The following EDAR variants were observed in gnomAD, a reference collection of about 807,000 sequenced individuals.
The protein encoded by EDAR is ectodysplasin A receptor, also known as tumor necrosis factor receptor superfamily member EDAR.
EDAR carries 38 observed loss-of-function variants against 51.3 expected under a neutral mutation model. That is an observed-to-expected ratio of 0.74 (90% CI 0.57 to 0.97). The LOEUF is 0.97. EDAR is among the 50% of genes least tolerant of loss of function. EDAR has a pLI of 0.00. For synonymous variants in EDAR, 227 were observed against 242.1 expected (o/e 0.94, Z 0.58); for missense variants, 528 against 595.0 (o/e 0.89, Z 1.17).
intron 1 of EDAR, among the ~76,000 whole-genome samples, chr2:108,963,051 G>A (rs1208696810): frequency 5.3e-5 from 8 of 152,106 alleles, no homozygotes; most frequent in African/African-American, 9.7e-5. Flanking sequence ...GTGGCTCTGC[G>A]TCACTGAAGG....
At chr2:108,911,306 C>A (rs941254695) in intron 6 of EDAR, among the ~76,000 whole-genome samples, 1 of 152,210 alleles carries the variant, frequency 6.6e-6, no homozygotes, top group Non-Finnish European at 1.5e-5. Context: ...CTCCAGACTT[C>A]TCTGGGGTCA....
intron 1 of EDAR, among the ~76,000 whole-genome samples, chr2:108,963,015 C>T (rs570241652): frequency 3.3e-5 from 5 of 152,250 alleles, no homozygotes; most frequent in Middle Eastern, 3.4e-3. Flanking sequence ...TCTGCACCAG[C>T]GATCAATTGA....
chr2:108,917,666 G>A (rs1054595878), intron 5 of EDAR, among the ~76,000 whole-genome samples: 10 of 152,106 alleles, frequency 6.6e-5, no homozygotes, highest in Non-Finnish European at 1.5e-4. Context: ...AACGGGAGGC[G>A]GTGGGCCTTG....
At chr2:108,926,821 C>T (rs779481977) in intron 4 of EDAR, among the ~76,000 whole-genome samples, 10 of 152,212 alleles carry the variant, frequency 6.6e-5, no homozygotes, top group South Asian at 2.1e-4. Context: ...CAAGGCAATC[C>T]GCATCCACAG....
At chr2:108,912,580 A>C in intron 6 of EDAR, 98 bp downstream of exon 6, 1 of 1,186,124 alleles carries the variant, frequency 8.4e-7, no homozygotes, top group Non-Finnish European at 1.2e-6. Context: ...GGGGAAGCGC[A>C]CCATAATCAT....
At chr2:108,988,618 G>C (rs141400233) in intron 1 of EDAR, among the ~76,000 whole-genome samples, 1 of 152,106 alleles carries the variant, frequency 6.6e-6, no homozygotes, top group Non-Finnish European at 1.5e-5. Flanking sequence ...CCGGGCACAG[G>C]GGCAAACCTG....
intron 1 of EDAR, among the ~76,000 whole-genome samples, chr2:108,932,528 C>CAAAAAAAAAAAA (rs1171012818): frequency 7.7e-5 from 3 of 39,140 alleles, no homozygotes; most frequent in Admixed American, 2.6e-4. Context: ...GACTCTGTCT[C>CAAAAAAAAAAAA]AAAAAAAAAA....
intron 1 of EDAR, among the ~76,000 whole-genome samples, chr2:108,956,073 C>A (rs994035790): frequency 6.6e-6 from 1 of 152,058 alleles, no homozygotes; most frequent in Admixed American, 6.6e-5. Context: ...AAACACTGTT[C>A]GGGCTACTTG....
intron 1 of EDAR, among the ~76,000 whole-genome samples, chr2:108,958,441 A>C (rs73952570): frequency 0.031 from 4,669 of 152,254 alleles, 146 homozygotes; most frequent in African/African-American, 0.08. Flanking sequence ...AAACAAAAAA[A>C]ACCCCAGGGC....
chr2:108,919,885 C>T (rs999823057), intron 5 of EDAR, among the ~76,000 whole-genome samples: 3 of 152,350 alleles, frequency 2.0e-5, no homozygotes, highest in South Asian at 2.1e-4. Flanking sequence ...TGGATCTCTC[C>T]GCCTGGAGCT....
At chr2:108,951,273 A>G (rs1697822083) in intron 1 of EDAR, among the ~76,000 whole-genome samples, 1 of 152,234 alleles carries the variant, frequency 6.6e-6, no homozygotes, top group Non-Finnish European at 1.5e-5. Flanking sequence ...GGCCAATGCC[A>G]TGTAATTCCA....
intron 1 of EDAR, among the ~76,000 whole-genome samples, chr2:108,970,889 A>C (rs542082663): frequency 6.6e-6 from 1 of 152,328 alleles, no homozygotes; most frequent in South Asian, 2.1e-4. Context: ...GAACAAATAC[A>C]AGTGATAGAT....
intron 1 of EDAR, among the ~76,000 whole-genome samples, chr2:108,945,440 GC>G (rs1349854346): frequency 6.6e-6 from 1 of 152,146 alleles, no homozygotes; most frequent in Non-Finnish European, 1.5e-5. Context: ...CTGTTTTAAA[GC>G]CTTGAGACTT....
chr2:108,942,655 T>G (rs763374346), intron 1 of EDAR, among the ~76,000 whole-genome samples: 39 of 152,248 alleles, frequency 2.6e-4, no homozygotes, highest in Non-Finnish European at 5.0e-4. Flanking sequence ...GCCAGAGGCC[T>G]TTCAAGACGG....
chr2:108,902,578 AAAAC>A (rs1696721273), intron 11 of EDAR, among the ~76,000 whole-genome samples: 1 of 152,188 alleles, frequency 6.6e-6, no homozygotes, highest in African/African-American at 2.4e-5. Context: ...ACAAAGACAA[AAAAC>A]AAACCACAAA....
At position 108,929,052 on chromosome 2, in the gene EDAR, C is replaced by T. The variant is rs550043111; in HGVS notation, c.356+146G>A. The T allele has an allele frequency of 1.6e-5, 15 of 936,836 alleles. 1 individual carries two copies. In the East Asian group the frequency reaches 3.7e-4, roughly 23 times the overall value. The allele number at this position is 936,836 out of a possible 1,614,324, so 58.0% of individuals were successfully genotyped here. A position where few individuals can be genotyped will look rare whatever the true frequency, so the allele number is the denominator to read the frequency against. Reference sequence around the variant, plus strand: ...AGGACTCTCCGTCCTGGATGCTGCTCCTTGTGGGATGGGACCAAGGCCAGG... The same window carrying T: ...AGGACTCTCCGTCCTGGATGCTGCTTCTTGTGGGATGGGACCAAGGCCAGG... On this transcript the variant is annotated intron_variant, in intron 4 of 11. Coordinates refer to ENST00000258443, the MANE Select transcript of EDAR (RefSeq NM_022336.4).
At chr2:108,923,572 C>T (rs1697191822) in intron 4 of EDAR, 119 bp from the exon 5 acceptor site, 1 of 826,524 alleles carries the variant, frequency 1.2e-6, no homozygotes, top group East Asian at 2.5e-5. Context: ...GGCATGAGGC[C>T]ACGCCCACTC....
intron 1 of EDAR, among the ~76,000 whole-genome samples, chr2:108,965,342 G>C (rs555207186): frequency 6.6e-6 from 1 of 152,018 alleles, no homozygotes; most frequent in Non-Finnish European, 1.5e-5. Context: ...TTAGCTGGGC[G>C]TGGTGGTGGG....
chr2:108,896,762 C>T lies in EDAR; in HGVS notation c.*145G>A, dbSNP rs1008476829. The T allele has an allele frequency of 2.5e-5, 19 of 760,782 alleles. No individual in the cohort carries two copies. Among genetic ancestry groups the T allele is most frequent in the Non-Finnish European group, 2.9e-5 (14 of 479,638 alleles). 47.1% of individuals were successfully genotyped at this position (760,782 alleles called of 1,614,324 possible). On this transcript the variant is annotated 3_prime_UTR_variant, in exon 12 of 12. Transcript: ENST00000258443. ...TTAAATTGGAAGACAGGCCTTATTT[C>T]GTCTGGCTCCTTGAACATCCTAAGG... is the stretch of plus-strand genomic sequence containing the variant.
Sources: gnomAD v4.1 joint callset for allele counts (sites outside exome capture counted in the v4.1 genomes callset) on GRCh38, gnomAD v4.1.1 for gene constraint, MANE v1.5 for transcripts, NCBI Gene and HGNC (gene_info 2026-07-23, HGNC 2026-07-21) for gene names.